Variants in ANO1 observed in about 807,000 individuals in gnomAD.
ANO1 encodes the protein anoctamin-1.
ANO1 carries 59 observed loss-of-function variants against 124.0 expected under a neutral mutation model. That is an observed-to-expected ratio of 0.48 (90% CI 0.39 to 0.59). ANO1 has a LOEUF of 0.59. ANO1 is among the 20% of genes least tolerant of loss of function. The probability of loss-of-function intolerance (pLI) is 0.00; values close to 1 mark genes in which losing one functional copy is unlikely to be tolerated. For missense variants in ANO1, 1,059 were observed against 1,328.0 expected (o/e 0.80, Z 3.15); for synonymous variants, 529 against 532.0 (o/e 0.99, Z 0.08).
At chr11:70,063,086 C>T (rs1238928109) in intron 1 of ANO1, among the ~76,000 whole-genome samples, 1 of 152,082 alleles carries the variant, frequency 6.6e-6, no homozygotes, top group Admixed American at 6.6e-5. Flanking sequence ...CATGCCACCA[C>T]GCCCAGCTAA....
intron 1 of ANO1, among the ~76,000 whole-genome samples, chr11:69,994,108 C>CA (rs1318899996): frequency 8.6e-5 from 13 of 151,356 alleles, no homozygotes; most frequent in Admixed American, 5.9e-4. Flanking sequence ...CGTTAACCCC[C>CA]CCCCACAGTC....
intron 1 of ANO1, among the ~76,000 whole-genome samples, chr11:69,988,999 G>A (rs1225586203): frequency 1.1e-4 from 16 of 152,012 alleles, no homozygotes; most frequent in African/African-American, 3.9e-4. Flanking sequence ...GAGGGAGGTA[G>A]GGAGGGACGG....
chr11:70,118,070 G>A (rs140999439), intron 8 of ANO1, among the ~76,000 whole-genome samples: 10 of 150,552 alleles, frequency 6.6e-5, no homozygotes, highest in South Asian at 6.4e-4. Context: ...TCATCCCTCC[G>A]CACCCCTCTG....
intron 2 of ANO1, among the ~76,000 whole-genome samples, chr11:70,095,484 T>C (rs914261917): frequency 6.6e-6 from 1 of 152,188 alleles, no homozygotes; most frequent in African/African-American, 2.4e-5. Context: ...TAAAAATTCA[T>C]GTTTTTAAAG....
At chr11:70,115,013 G>A (rs1012142542) in intron 7 of ANO1, among the ~76,000 whole-genome samples, 9 of 152,186 alleles carry the variant, frequency 5.9e-5, no homozygotes, top group East Asian at 1.9e-4. Flanking sequence ...AAGGACCTCC[G>A]TATAAATGAG....
chr11:70,083,100 A>C (rs898540554), intron 1 of ANO1, among the ~76,000 whole-genome samples: 10 of 152,032 alleles, frequency 6.6e-5, no homozygotes, highest in African/African-American at 1.9e-4. Context: ...CACTGCTACC[A>C]TCTTTCACTT....
Position 69,995,933 on chromosome 11 carries a change from G to A in ANO1, c.58+9767G>A, listed in dbSNP as rs1463668003. Among the ~76,000 whole-genome samples, 6 of 152,246 alleles carry A rather than the reference G, an allele frequency of 3.9e-5. No homozygotes were observed. In the East Asian group the frequency reaches 5.8e-4, roughly 15 times the overall value. On this transcript the variant is annotated intron_variant, in intron 1 of 27. Coordinates refer to the ANO1 transcript ENST00000531349. ...TTTGAGACCAGCTGGCTAATAGAGC[G>A]AAACCCTGTATCTACTAAAAATAAA...
intron 2 of ANO1, among the ~76,000 whole-genome samples, chr11:70,090,304 G>T (rs1565188643): frequency 6.6e-6 from 1 of 152,276 alleles, no homozygotes; most frequent in East Asian, 1.9e-4. Context: ...ACCGCGCCTG[G>T]CCCCTCCCCA....
the ANO1 span, among the ~76,000 whole-genome samples, chr11:69,971,745 C>A: frequency 8.7e-4 from 132 of 152,228 alleles, no homozygotes; most frequent in Non-Finnish European, 1.4e-3. Context: ...AGGCCTGTGG[C>A]TAATGCTGGA....
chr11:70,038,807 A>G (rs900036543), intron 1 of ANO1, among the ~76,000 whole-genome samples: 2 of 152,176 alleles, frequency 1.3e-5, no homozygotes, highest in Non-Finnish European at 1.5e-5. Flanking sequence ...AGGAGCAGTA[A>G]AGTACTTCCT....
chr11:69,991,323 T>C (rs1372372188), intron 1 of ANO1, among the ~76,000 whole-genome samples: 3 of 152,194 alleles, frequency 2.0e-5, no homozygotes, highest in African/African-American at 7.2e-5. Context: ...GCACTTGGTG[T>C]ATTTGAACTT....
intron 2 of ANO1, among the ~76,000 whole-genome samples, chr11:70,092,503 G>T (rs2135263567): frequency 6.6e-6 from 1 of 152,286 alleles, no homozygotes; most frequent in East Asian, 1.9e-4. Flanking sequence ...TCCAGCTTTG[G>T]CCTGGTCTGC....
upstream of ANO1, among the ~76,000 whole-genome samples, chr11:69,982,234 G>C (rs1855965842): frequency 6.6e-6 from 1 of 152,206 alleles, no homozygotes; most frequent in Non-Finnish European, 1.5e-5. Context: ...ACCCTGTTGA[G>C]TATAGCCACC....
In ANO1 at chr11:70,088,017, G is replaced by A. The variant is rs1461039392; in HGVS notation, c.374G>A (p.Arg125His). Residue 125 changes from arginine to histidine, a missense_variant, in exon 2 of 26, where the codon CGC becomes CAC. Around this residue, in one of 2 missense-constraint regions of ANO1, gnomAD observed 250 missense variants for 233.1 expected, o/e 1.07. Coordinates refer to ENST00000355303, the MANE Select transcript of ANO1 (RefSeq NM_018043.7). The stretch of plus-strand genomic sequence containing the variant: ...ATGGACTACCACGAGGATGACAAGC[G>A]CTTCCGCAGGGAGGAGTACGAGGGC... ...PPMDYHEDDK[R>H]FRREEYEGNL... is the part of the protein sequence containing the mutation. 3.9e-6 allele frequency: 6 copies of A among 1,531,606 alleles called. No individual in the cohort carries two copies. The highest frequency in any genetic ancestry group is 1.4e-5 in the African/African-American group (1 of 72,514). The allele number at this position is 1,531,606 out of a possible 1,614,324, so 94.9% of individuals were successfully genotyped here.
rs957535783 is a variant in ANO1, at chr11:70,189,050, T to C, written c.*1046T>C. The C allele has an allele frequency of 5.9e-5, 9 of 152,648 alleles. 1 individual carries two copies. The highest frequency in any genetic ancestry group is 3.3e-4 in the Admixed American group (5 of 15,286). The allele number at this position is 152,648 out of a possible 1,614,324, so 9.5% of individuals were successfully genotyped here. A position where few individuals can be genotyped will look rare whatever the true frequency, so the allele number is the denominator to read the frequency against. The stretch of plus-strand genomic sequence containing the variant: ...AAGGCTTATATTTTGGTAACACTTC[T>C]CTATATTTTTACTCACAGGAATGTC... On this transcript the variant is annotated 3_prime_UTR_variant, in exon 26 of 26. Transcript: ENST00000355303.
chr11:70,115,903 G>T (rs1267275709), intron 7 of ANO1, among the ~76,000 whole-genome samples: 3 of 152,122 alleles, frequency 2.0e-5, no homozygotes, highest in Non-Finnish European at 4.4e-5. Flanking sequence ...CCAAGTCAGG[G>T]TCTGACCGAA....
At chr11:70,011,550 C>T (rs983358877) in intron 1 of ANO1, among the ~76,000 whole-genome samples, 1 of 152,174 alleles carries the variant, frequency 6.6e-6, no homozygotes, top group Non-Finnish European at 1.5e-5. Flanking sequence ...TCCACTCTCC[C>T]ACAACCCCCC....
intron 1 of ANO1, among the ~76,000 whole-genome samples, chr11:70,059,348 C>CAA (rs1192273449): frequency 0.28 from 21,048 of 74,700 alleles, 3,620 homozygotes; most frequent in East Asian, 0.62. Flanking sequence ...GAGACACTGT[C>CAA]AAAAAAAAAA....
chr11:70,166,283 A>G (rs2048250626), intron 20 of ANO1, among the ~76,000 whole-genome samples: 1 of 152,180 alleles, frequency 6.6e-6, no homozygotes, highest in Non-Finnish European at 1.5e-5. Context: ...GCACCACTGC[A>G]CTCCAGCCTG....
Sources: gnomAD v4.1 joint callset for allele counts (sites outside exome capture counted in the v4.1 genomes callset) on GRCh38, gnomAD v4.1.1 for gene constraint, gnomAD v4.1.1 regional missense constraint, MANE v1.5 for transcripts, NCBI Gene and HGNC (gene_info 2026-07-23, HGNC 2026-07-21) for gene names.